The following DMRT1 variants were observed in gnomAD, a reference collection of about 807,000 sequenced individuals.
DMRT1 encodes doublesex and mab-3 related transcription factor 1, also known as doublesex- and mab-3-related transcription factor 1.
A neutral mutation model predicts 32.3 loss-of-function variants in DMRT1; 7 were observed. The ratio of observed to expected loss-of-function variants is 0.22; its 90% confidence interval spans 0.12 to 0.41. The LOEUF is 0.41. Ranked by LOEUF, DMRT1 falls within the 10% of genes least tolerant of loss-of-function variation. DMRT1 has a pLI of 1.00. For missense variants in DMRT1, 625 were observed against 500.5 expected (o/e 1.25, Z -2.37); for synonymous variants, 278 against 206.1 (o/e 1.35, Z -2.99).
chr9:862,454 C>T (rs1040271080), intron 2 of DMRT1, among the ~76,000 whole-genome samples: 7 of 146,974 alleles, frequency 4.8e-5, no homozygotes, highest in African/African-American at 1.8e-4. Flanking sequence ...GGCGGCAGCA[C>T]AGTCCAGCCT....
chr9:852,430 C>G lies in DMRT1; in HGVS notation c.538+5287C>G, dbSNP rs575966221. Among the ~76,000 whole-genome samples the G allele has an allele frequency of 2.8e-4, 41 of 146,014 alleles. 1 individual carries two copies. The highest frequency in any genetic ancestry group is 9.4e-4 in the African/African-American group (37 of 39,468). On this transcript the variant is annotated intron_variant, in intron 2 of 4. Coordinates refer to ENST00000382276, the MANE Select transcript of DMRT1 (RefSeq NM_021951.3). Reference sequence around the variant, plus strand: ...TTTTTTTTCGAAAGTTATTAGCTGACTTAAATCTCAGGTCTTCTTCCTCTT... The same window carrying G: ...TTTTTTTTCGAAAGTTATTAGCTGAGTTAAATCTCAGGTCTTCTTCCTCTT...
intron 2 of DMRT1, among the ~76,000 whole-genome samples, chr9:866,631 C>T (rs1402580624): frequency 6.6e-6 from 1 of 152,200 alleles, no homozygotes; most frequent in Non-Finnish European, 1.5e-5. Flanking sequence ...TGGGCTGATA[C>T]ACTGATACCA....
At chr9:865,074 A>G (rs2132591645) in intron 2 of DMRT1, among the ~76,000 whole-genome samples, 1 of 152,288 alleles carries the variant, frequency 6.6e-6, no homozygotes, top group East Asian at 1.9e-4. Flanking sequence ...CAGCTATCTC[A>G]GAGTCATTTT....
At chr9:922,256 A>G (rs1396890779) in intron 4 of DMRT1, among the ~76,000 whole-genome samples, 1 of 152,104 alleles carries the variant, frequency 6.6e-6, no homozygotes, top group African/African-American at 2.4e-5. Flanking sequence ...TGGGTTGGAA[A>G]CTGGAAAAAA....
intron 4 of DMRT1, among the ~76,000 whole-genome samples, chr9:959,179 C>G (rs997114749): frequency 6.6e-6 from 1 of 152,012 alleles, no homozygotes; most frequent in Non-Finnish European, 1.5e-5. Flanking sequence ...TCTTCTTTGC[C>G]CAGCCTGCCT....
chr9:946,507 A>G (rs542527246), intron 4 of DMRT1, among the ~76,000 whole-genome samples: 51 of 152,174 alleles, frequency 3.4e-4, no homozygotes, highest in Non-Finnish European at 5.4e-4. Context: ...GAAAAGTACA[A>G]GAGTGGGTCA....
At chr9:871,691 G>C (rs972354926) in intron 2 of DMRT1, among the ~76,000 whole-genome samples, 4 of 149,182 alleles carry the variant, frequency 2.7e-5, no homozygotes, top group African/African-American at 1.0e-4. Context: ...AGCCAGGATG[G>C]TCTCAATCTC....
At position 860,521 on chromosome 9, in the gene DMRT1, G is replaced by C. The variant is rs150496368; in HGVS notation, c.538+13378G>C. On this transcript the variant is annotated intron_variant, in intron 2 of 4. Transcript: ENST00000382276. Reference sequence around the variant, plus strand: ...TTCAACAAATGTTCATTCTATGGCTGCACTGAGCCAGATCCTATTCTAGGT... The same window carrying C: ...TTCAACAAATGTTCATTCTATGGCTCCACTGAGCCAGATCCTATTCTAGGT... 1.6e-4 allele frequency among the ~76,000 whole-genome samples: 25 copies of C among 152,024 alleles called. No homozygotes were observed. The East Asian group carries it at 3.9e-3, about 24-fold the overall frequency.
chr9:882,707 GC>G (rs983052310), intron 2 of DMRT1, among the ~76,000 whole-genome samples: 1 of 150,002 alleles, frequency 6.7e-6, no homozygotes, highest in African/African-American at 2.5e-5. Context: ...TCATCTTCCT[GC>G]TTGATTTCTT....
At chr9:890,549 C>T (rs1257957344) in intron 2 of DMRT1, among the ~76,000 whole-genome samples, 1 of 150,462 alleles carries the variant, frequency 6.6e-6, no homozygotes, top group Non-Finnish European at 1.5e-5. Context: ...CCTTCCAGAG[C>T]TTGCACTTTA....
At chr9:881,116 C>T (rs1045078972) in intron 2 of DMRT1, among the ~76,000 whole-genome samples, 11 of 152,048 alleles carry the variant, frequency 7.2e-5, no homozygotes, top group Non-Finnish European at 2.9e-5. Flanking sequence ...TAGACCCCCC[C>T]CACCTCCTCC....
chr9:905,338 C>A (rs1488342189), intron 3 of DMRT1, among the ~76,000 whole-genome samples: 1 of 152,130 alleles, frequency 6.6e-6, no homozygotes, highest in Non-Finnish European at 1.5e-5. Flanking sequence ...TATCACATTC[C>A]TTCTCACAAC....
chr9:934,679 G>C (rs1818829012), intron 4 of DMRT1, among the ~76,000 whole-genome samples: 1 of 152,136 alleles, frequency 6.6e-6, no homozygotes, highest in South Asian at 2.1e-4. Flanking sequence ...ATGGTGTAAG[G>C]GAAGAGTCCA....
intron 1 of DMRT1, chr9:842,884 G>C (rs960279756): frequency 9.2e-5 from 14 of 152,494 alleles, no homozygotes; most frequent in African/African-American, 3.4e-4. Context: ...CCCAGAGCCC[G>C]CGTTCCAACA....
In DMRT1 at chr9:968,051, A is replaced by G; in HGVS notation, c.1034A>G (p.Asn345Ser). 1 of 1,614,132 alleles carries G rather than the reference A, an allele frequency of 6.2e-7. No individual in the cohort carries two copies. Among genetic ancestry groups the G allele is most frequent in the Non-Finnish European group, 8.5e-7 (1 of 1,180,034 alleles). ...CTCTCGAGCAGCTCTCCTATTAGTA[A>G]CAAGAGCACAAAGGCAGTGCTTGAA... ...VSLSSSSPIS[N>S]KSTKAVLECE... The change falls in exon 5 of 5, where the codon AAC becomes AGC. Residue 345 changes from asparagine (N) to serine (S), a missense_variant. Asn to Ser is a conservative substitution (Grantham distance 46, BLOSUM62 1). Coordinates refer to ENST00000382276, the MANE Select transcript of DMRT1 (RefSeq NM_021951.3).
rs141717288 is a variant in DMRT1, at chr9:954,519, A to C, written c.968-13466A>C. 4.9e-3 allele frequency among the ~76,000 whole-genome samples: 743 copies of C among 152,224 alleles called. 5 individuals carry two copies. Among genetic ancestry groups the C allele is most frequent in the African/African-American group, 0.017 (703 of 41,512 alleles). ...CTTAAGCTTCGAGTCTGAGCTGGCT[A>C]GAGAAGAGGGTGTGAGCCCAAGATC... is the stretch of plus-strand genomic sequence containing the variant. On this transcript the variant is annotated intron_variant, in intron 4 of 4. Transcript: ENST00000382276.
chr9:857,178 A>C (rs1428258538), intron 2 of DMRT1, among the ~76,000 whole-genome samples: 1 of 152,062 alleles, frequency 6.6e-6, no homozygotes, highest in Non-Finnish European at 1.5e-5. Context: ...GTGGTGGCAC[A>C]TGCCTGTAAT....
intron 4 of DMRT1, among the ~76,000 whole-genome samples, chr9:946,604 C>CTGGCTT (rs1819254311): frequency 2.0e-5 from 3 of 152,320 alleles, no homozygotes; most frequent in African/African-American, 4.8e-5. Context: ...CATAAAAACG[C>CTGGCTT]TGGCTTTTGT....
At chr9:893,861 G>A (rs372637533) in intron 2 of DMRT1, 51 bp from the exon 3 acceptor site, 11 of 1,564,048 alleles carry the variant, frequency 7.0e-6, no homozygotes, top group East Asian at 6.7e-5. Context: ...GTAAAGTTTC[G>A]TGGACTAACA....
Sources: gnomAD v4.1 joint callset for allele counts (sites outside exome capture counted in the v4.1 genomes callset) on GRCh38, gnomAD v4.1.1 for gene constraint, MANE v1.5 for transcripts, NCBI Gene and HGNC (gene_info 2026-07-23, HGNC 2026-07-21) for gene names.